The following ANKFN1 variants were observed in gnomAD, a reference collection of about 807,000 sequenced individuals.
ANKFN1 encodes the protein ankyrin repeat and fibronectin type-III domain-containing protein 1.
Under a neutral mutation model 108.7 loss-of-function variants are expected in ANKFN1, and 74 were observed. The observed-to-expected ratio is 0.68, with a 90% CI of 0.56 to 0.83. The LOEUF (loss-of-function observed/expected upper bound fraction) is 0.83. Among genes scored for constraint, ANKFN1 ranks in the 40% least tolerant of loss-of-function variants. ANKFN1 has a pLI of 0.00. For missense variants in ANKFN1, 1,505 were observed against 1,382.3 expected, an observed-to-expected ratio of 1.09 and a Z score of -1.41; for synonymous variants, 547 against 516.2, an observed-to-expected ratio of 1.06 and a Z score of -0.81.
intron 3 of ANKFN1, among the ~76,000 whole-genome samples, chr17:56,255,149 C>T (rs751346177): frequency 1.3e-5 from 2 of 152,202 alleles, no homozygotes; most frequent in Non-Finnish European, 2.9e-5. Flanking sequence ...AACTCTTGGA[C>T]GATTCCCTTT....
At chr17:56,242,969 A>G (rs552594553) in intron 3 of ANKFN1, among the ~76,000 whole-genome samples, 1 of 152,128 alleles carries the variant, frequency 6.6e-6, no homozygotes, top group Non-Finnish European at 1.5e-5. Flanking sequence ...TGAAATATTC[A>G]TAGATTTTCT....
At chr17:56,055,526 GTATGCCTAATGTGGTATA>G in intron 4 of ANKFN1, among the ~76,000 whole-genome samples, 1 of 127,662 alleles carries the variant, frequency 7.8e-6, no homozygotes, top group Non-Finnish European at 1.6e-5. Context: ...GTGTGTGTGT[GTATGCCTAATGTGGTATA>G]TGTGTGTGTG....
chr17:56,315,239 TTC>T (rs148842608), intron 3 of ANKFN1, among the ~76,000 whole-genome samples: 2 of 151,632 alleles, frequency 1.3e-5, no homozygotes, highest in African/African-American at 2.4e-5. Flanking sequence ...GCATGATTCA[TTC>T]TCTCTCTCTC....
intron 3 of ANKFN1, among the ~76,000 whole-genome samples, chr17:56,265,821 T>C (rs1172165550): frequency 6.6e-6 from 1 of 152,240 alleles, no homozygotes; most frequent in Admixed American, 6.5e-5. Context: ...TTATCCTGTA[T>C]TGTTTTTATT....
At chr17:56,083,656 T>C (rs1181687834) in intron 4 of ANKFN1, among the ~76,000 whole-genome samples, 2 of 151,218 alleles carry the variant, frequency 1.3e-5, no homozygotes, top group Non-Finnish European at 3.0e-5. Flanking sequence ...GTTCTGACTT[T>C]AAGCAAAAAG....
intron 1 of ANKFN1, among the ~76,000 whole-genome samples, chr17:56,169,620 G>A (rs1477409403): frequency 1.3e-5 from 2 of 152,146 alleles, no homozygotes; most frequent in Non-Finnish European, 2.9e-5. Context: ...GGAAAGGGAT[G>A]GAGGGTAGCA....
At chr17:56,275,262 T>C (rs1005870011) in intron 3 of ANKFN1, among the ~76,000 whole-genome samples, 1 of 152,008 alleles carries the variant, frequency 6.6e-6, no homozygotes, top group Non-Finnish European at 1.5e-5. Flanking sequence ...CTGCTAAAAA[T>C]TGGAGTATCT....
At position 56,433,174 on chromosome 17, in the gene ANKFN1, A is replaced by G. The variant is rs567958259; in HGVS notation, c.911-7153A>G. 8.5e-5 allele frequency among the ~76,000 whole-genome samples: 13 copies of G among 152,254 alleles called. No individual in the cohort carries two copies. In the South Asian group the frequency reaches 2.1e-3, roughly 24 times the overall value. On this transcript the variant is annotated intron_variant, in intron 8 of 20. Transcript: ENST00000682825. ...TTCTTTATCACCCATTGATTCTATC[A>G]AAATGCTTTTATTTTTGTTGAACTT...
chr17:56,498,753 G>A, intron 19 of ANKFN1, 129 bp from the exon 20 acceptor site: 1 of 742,464 alleles, frequency 1.3e-6, no homozygotes, highest in Non-Finnish European at 2.1e-6. Flanking sequence ...ACAAATCTAT[G>A]TTAAAAATAT....
chr17:56,448,987 A>T, intron 10 of ANKFN1, 92 bp from the exon 11 acceptor site: 1 of 982,000 alleles, frequency 1.0e-6, no homozygotes, highest in Non-Finnish European at 1.6e-6. Context: ...GACTGTGGGT[A>T]GTATGAGCAA....
intron 3 of ANKFN1, among the ~76,000 whole-genome samples, chr17:56,317,836 A>G (rs909956183): frequency 6.6e-6 from 1 of 152,134 alleles, no homozygotes; most frequent in Non-Finnish European, 1.5e-5. Flanking sequence ...TGGGTAATTC[A>G]TTTCTCCAGC....
rs561169671 is a variant in ANKFN1, at chr17:56,365,771, G to C, written c.602-6875G>C. Among the ~76,000 whole-genome samples the C allele has an allele frequency of 2.0e-5, 3 of 152,250 alleles. No homozygotes were observed. In the South Asian group the frequency reaches 6.2e-4, roughly 32 times the overall value. ...TATTCACATGTTCATTGTGATGCTG[G>C]TTTAAACAAACCTACTGTGCTGCCA... On this transcript the variant is annotated intron_variant, in intron 6 of 20. Coordinates refer to ENST00000682825, the MANE Select transcript of ANKFN1 (RefSeq NM_001370326.1).
At chr17:56,501,377 A>C (rs1289306445) in intron 20 of ANKFN1, among the ~76,000 whole-genome samples, 1 of 152,198 alleles carries the variant, frequency 6.6e-6, no homozygotes, top group African/African-American at 2.4e-5. Flanking sequence ...AGAGACCATA[A>C]GGGAAAATTA....
intron 4 of ANKFN1, among the ~76,000 whole-genome samples, chr17:56,143,011 A>C (rs1392250727): frequency 1.3e-5 from 2 of 152,182 alleles, no homozygotes; most frequent in African/African-American, 4.8e-5. Flanking sequence ...GACCCTCACC[A>C]ATGAATATGA....
chr17:56,256,178 G>A (rs544187495), intron 3 of ANKFN1, among the ~76,000 whole-genome samples: 2 of 152,244 alleles, frequency 1.3e-5, no homozygotes, highest in South Asian at 2.1e-4. Flanking sequence ...CAGCTGTGAA[G>A]GAGTTAGGAA....
chr17:56,235,296 T>C (rs912454411), intron 3 of ANKFN1, among the ~76,000 whole-genome samples: 38 of 152,200 alleles, frequency 2.5e-4, no homozygotes, highest in Non-Finnish European at 2.2e-4. Context: ...TCTCCCATGC[T>C]GTAGATTGTC....
At position 56,396,568 on chromosome 17, in the gene ANKFN1, T is replaced by A. The variant is rs565360074; in HGVS notation, c.910+21854T>A. 4.6e-5 allele frequency among the ~76,000 whole-genome samples: 7 copies of A among 152,160 alleles called. No homozygotes were observed. In the East Asian group the frequency reaches 1.4e-3, roughly 29 times the overall value. On this transcript the variant is annotated intron_variant, in intron 8 of 20. Transcript: ENST00000682825. The stretch of plus-strand genomic sequence containing the variant: ...TTTTTTTTGACATTTTATAACAAAG[T>A]TAAGATTATACATTTAATAATTATT...
At chr17:56,457,470 G>A in intron 13 of ANKFN1, 81 bp downstream of exon 13, 1 of 1,409,222 alleles carries the variant, frequency 7.1e-7, no homozygotes, top group Non-Finnish European at 9.5e-7. Flanking sequence ...TAGTTGAGGG[G>A]TCTCCAGCGA....
intron 3 of ANKFN1, among the ~76,000 whole-genome samples, chr17:56,271,893 G>T (rs1318950363): frequency 6.6e-6 from 1 of 152,156 alleles, no homozygotes; most frequent in Non-Finnish European, 1.5e-5. Context: ...TTTGCAAAAT[G>T]GGCATGATAG....
Sources: gnomAD v4.1 joint callset for allele counts (sites outside exome capture counted in the v4.1 genomes callset) on GRCh38, gnomAD v4.1.1 for gene constraint, MANE v1.5 for transcripts, NCBI Gene and HGNC (gene_info 2026-07-23, HGNC 2026-07-21) for gene names.